SHROOM3: variants seen among roughly 807,000 people sequenced by gnomAD.
The protein encoded by SHROOM3 is shroom family member 3.
In SHROOM3, 47 loss-of-function variants were observed where a neutral mutation model predicts 138.6. That is an observed-to-expected ratio of 0.34 (90% confidence interval 0.27 to 0.43). The LOEUF (loss-of-function observed/expected upper bound fraction) is 0.43, where lower values mean the gene tolerates loss of function less well. SHROOM3 is among the 20% of genes least tolerant of loss of function. SHROOM3 has a pLI of 1.00. For synonymous variants in SHROOM3, 1,062 were observed against 1,063.3 expected, an observed-to-expected ratio of 1.00 and a Z score of 0.02; for missense variants, 2,491 against 2,596.5, an observed-to-expected ratio of 0.96 and a Z score of 0.88.
chr4:76,531,667 A>G (rs1485868956), intron 1 of SHROOM3, among the ~76,000 whole-genome samples: 2 of 152,232 alleles, frequency 1.3e-5, no homozygotes, highest in East Asian at 3.8e-4. Context: ...AGCACTTAGT[A>G]AGTGATTACC....
intron 2 of SHROOM3, among the ~76,000 whole-genome samples, chr4:76,633,332 C>CAAAA (rs56002974): frequency 7.2e-5 from 6 of 83,846 alleles, no homozygotes; most frequent in African/African-American, 1.4e-4. Context: ...GACTCAGTCT[C>CAAAA]AAAAAAAAAA....
At chr4:76,610,263 G>A (rs1362395930) in intron 2 of SHROOM3, among the ~76,000 whole-genome samples, 4 of 152,214 alleles carry the variant, frequency 2.6e-5, no homozygotes, top group Non-Finnish European at 4.4e-5. Flanking sequence ...TGAGTGATAT[G>A]CCATCGAGGT....
chr4:76,699,369 C>G (rs1326480465), intron 2 of SHROOM3, among the ~76,000 whole-genome samples: 1 of 152,198 alleles, frequency 6.6e-6, no homozygotes, highest in Non-Finnish European at 1.5e-5. Context: ...TAGGCCCTCC[C>G]CCTGCTTTTT....
chr4:76,511,430 C>A (rs755648955), intron 1 of SHROOM3, among the ~76,000 whole-genome samples: 1 of 152,090 alleles, frequency 6.6e-6, no homozygotes, highest in South Asian at 2.1e-4. Context: ...ATGCTTTTAT[C>A]GCTATAATCG....
At chr4:76,685,112 T>G (rs1162320882) in intron 2 of SHROOM3, among the ~76,000 whole-genome samples, 1 of 152,206 alleles carries the variant, frequency 6.6e-6, no homozygotes, top group East Asian at 1.9e-4. Flanking sequence ...CTCCTAATAT[T>G]TTCTCTCCTA....
In SHROOM3 at chr4:76,739,429, C is replaced by A; in HGVS notation, c.1256C>A (p.Ser419Tyr). The change falls in exon 5 of 11, where the codon TCT becomes TAT. Residue 419 changes from serine to tyrosine, a missense_variant. Physicochemically the swap from Ser to Tyr is moderately radical, Grantham distance 144. Transcript: ENST00000296043. ...QKRLCRPQAN[S>Y]LGSLKSPFIE... ...CGGCTCTGCCGGCCTCAGGCAAACT[C>A]TTTAGGCTCCCTGAAGTCTCCATTC... 1 of 1,614,204 alleles carries A rather than the reference C, an allele frequency of 6.2e-7. No individual in the cohort carries two copies. Among genetic ancestry groups the A allele is most frequent in the Non-Finnish European group, 8.5e-7 (1 of 1,180,048 alleles).
chr4:76,473,828 A>G (rs76822097), intron 1 of SHROOM3, among the ~76,000 whole-genome samples: 7,825 of 152,308 alleles, frequency 0.051, 248 homozygotes, highest in African/African-American at 0.083. Flanking sequence ...AGTGTTGGCC[A>G]GGATGTGAAG....
intron 2 of SHROOM3, among the ~76,000 whole-genome samples, chr4:76,622,163 G>A (rs1294818828): frequency 2.0e-5 from 3 of 151,942 alleles, no homozygotes; most frequent in African/African-American, 4.8e-5. Flanking sequence ...GAAATTGGAC[G>A]ACTAGACCTA....
chr4:76,687,012 C>T (rs1270423998), intron 2 of SHROOM3, among the ~76,000 whole-genome samples: 1 of 152,140 alleles, frequency 6.6e-6, no homozygotes, highest in East Asian at 1.9e-4. Context: ...TCTTTCCTTC[C>T]CACAACACAC....
chr4:76,509,913 C>G (rs1161137138), intron 1 of SHROOM3, among the ~76,000 whole-genome samples: 1 of 152,010 alleles, frequency 6.6e-6, no homozygotes, highest in Non-Finnish European at 1.5e-5. Context: ...ATGTATTGCT[C>G]TCATCTACTA....
chr4:76,781,150 G>A lies in SHROOM3; in HGVS notation c.*1973G>A, dbSNP rs1335397665. ...AATTTTTATTTATTTTCTTGAGAAA[G>A]GGTCTTACTATGTTGCCCAGGCTGG... On this transcript the variant is annotated 3_prime_UTR_variant, in exon 11 of 11. Transcript: ENST00000296043. 6.6e-6 allele frequency: 1 copy of A among 152,106 alleles called. No individual in the cohort carries two copies. The highest frequency in any genetic ancestry group is 6.5e-5 in the Admixed American group (1 of 15,272). The allele number at this position is 152,106 out of a possible 1,614,324, so 9.4% of individuals were successfully genotyped here.
intron 2 of SHROOM3, among the ~76,000 whole-genome samples, chr4:76,675,609 G>A (rs1719007439): frequency 6.6e-6 from 1 of 152,156 alleles, no homozygotes; most frequent in Non-Finnish European, 1.5e-5. Flanking sequence ...CATAATCCCA[G>A]CACTCTGGAA....
At chr4:76,458,308 A>T (rs576656131) in intron 1 of SHROOM3, among the ~76,000 whole-genome samples, 2 of 152,370 alleles carry the variant, frequency 1.3e-5, no homozygotes, top group South Asian at 4.1e-4. Context: ...GAGAATATGT[A>T]TATAAAAGTA....
intron 2 of SHROOM3, 86 bp from the exon 3 acceptor site, chr4:76,710,070 T>C (rs903673680): frequency 9.4e-6 from 15 of 1,595,556 alleles, no homozygotes; most frequent in African/African-American, 1.3e-5. Flanking sequence ...TTCGTTTTCA[T>C]GTGCTTTTTC....
intron 2 of SHROOM3, among the ~76,000 whole-genome samples, chr4:76,658,897 C>T (rs1360371270): frequency 2.0e-5 from 3 of 152,092 alleles, no homozygotes; most frequent in Admixed American, 2.0e-4. Context: ...TTCAATTGCA[C>T]TTTGTGTCAT....
At chr4:76,761,405 A>G (rs1013310250) in intron 9 of SHROOM3, among the ~76,000 whole-genome samples, 4 of 152,200 alleles carry the variant, frequency 2.6e-5, no homozygotes, top group Admixed American at 2.6e-4. Context: ...AGTGTGGGCT[A>G]TGTATTTGAT....
chr4:76,469,589 T>C (rs1439177775), intron 1 of SHROOM3, among the ~76,000 whole-genome samples: 2 of 152,166 alleles, frequency 1.3e-5, no homozygotes, highest in African/African-American at 4.8e-5. Context: ...CCTGAGTAGC[T>C]GGGACGTCAG....
At chr4:76,771,032 A>T in intron 10 of SHROOM3, 134 bp downstream of exon 10, 1 of 1,164,832 alleles carries the variant, frequency 8.6e-7, no homozygotes, top group South Asian at 1.3e-5. Flanking sequence ...GAATACATGT[A>T]TAGGTAACCA....
chr4:76,608,555 C>CGT (rs1734673710), intron 2 of SHROOM3, among the ~76,000 whole-genome samples: 5 of 80,852 alleles, frequency 6.2e-5, no homozygotes, highest in African/African-American at 1.2e-4. Flanking sequence ...CATAGCATAG[C>CGT]ATAGCATAGC....
Sources: gnomAD v4.1 joint callset for allele counts (sites outside exome capture counted in the v4.1 genomes callset) on GRCh38, gnomAD v4.1.1 for gene constraint, MANE v1.5 for transcripts, NCBI Gene and HGNC (gene_info 2026-07-23, HGNC 2026-07-21) for gene names.